The following STAB2 variants were observed in gnomAD, a reference collection of about 807,000 sequenced individuals.
The protein encoded by STAB2 is stabilin-2.
A neutral mutation model predicts 338.1 loss-of-function variants in STAB2; 288 were observed. The observed-to-expected ratio is 0.85, with a 90% CI of 0.77 to 0.94. The LOEUF (loss-of-function observed/expected upper bound fraction) is 0.94, where lower values mean the gene tolerates loss of function less well. Ranked by LOEUF, STAB2 falls within the 40% of genes least tolerant of loss-of-function variation. STAB2 has a pLI of 0.00. For missense variants in STAB2, 3,141 were observed against 3,210.1 expected (o/e 0.98, Z 0.52); for synonymous variants, 1,202 against 1,193.3 (o/e 1.01, Z -0.15).
intron 63 of STAB2, among the ~76,000 whole-genome samples, chr12:103,757,029 A>ATAAAATATATATAT (rs1884176517): frequency 4.9e-5 from 7 of 144,178 alleles, no homozygotes; most frequent in Admixed American, 2.8e-4. Flanking sequence ...ATATATATAT[A>ATAAAATATATATAT]TAAAATATAT....
chr12:103,687,148 AT>A (rs1877504761), intron 27 of STAB2, among the ~76,000 whole-genome samples: 1 of 152,162 alleles, frequency 6.6e-6, no homozygotes. Flanking sequence ...TTTAAAAAAT[AT>A]TTTCACATAT....
intron 42 of STAB2, among the ~76,000 whole-genome samples, chr12:103,714,577 C>T (rs1880149972): frequency 6.6e-6 from 1 of 151,884 alleles, no homozygotes; most frequent in African/African-American, 2.4e-5. Flanking sequence ...CACACAGCTA[C>T]TTGGGAGGCT....
At chr12:103,683,002 A>C (rs1446928814) in intron 25 of STAB2, among the ~76,000 whole-genome samples, 1 of 152,166 alleles carries the variant, frequency 6.6e-6, no homozygotes, top group African/African-American at 2.4e-5. Flanking sequence ...CCAAGAAACT[A>C]TCATATTGGA....
In STAB2 at chr12:103,715,889, G is replaced by A; in HGVS notation, c.4611+1G>A. 1 of 1,613,958 alleles carries A rather than the reference G, an allele frequency of 6.2e-7. No homozygotes were observed. Among genetic ancestry groups the A allele is most frequent in the Non-Finnish European group, 8.5e-7 (1 of 1,179,918 alleles). ...GTGCACACAGACAGGACCCAACCAG[G>A]TGAGTGCCACCTCTCCCAGGCCCTT... On this transcript the variant is annotated splice_donor_variant, in intron 43 of 68. Coordinates refer to ENST00000388887, the MANE Select transcript of STAB2 (RefSeq NM_017564.10). LOFTEE classifies it high-confidence loss of function.
chr12:103,640,229 G>A lies in STAB2; in HGVS notation c.1013G>A (p.Cys338Tyr), dbSNP rs753172320. The A allele has an allele frequency of 1.2e-6, 2 of 1,613,566 alleles. No individual in the cohort carries two copies. The highest frequency in any genetic ancestry group is 3.3e-5 in the Admixed American group (2 of 60,012). Reference sequence around the variant, plus strand: ...AACCCGTGTCATAGGAATGCAAATTGCACCACCGTCGCACCAGGCCGAACT... The same window carrying A: ...AACCCGTGTCATAGGAATGCAAATTACACCACCGTCGCACCAGGCCGAACT... ...SDNPCHRNAN[C>Y]TTVAPGRTEC... Residue 338 changes from cysteine (C) to tyrosine (Y), a missense_variant, in exon 9 of 69, where the codon TGC (cysteine) becomes TAC (tyrosine). Cys to Tyr is a radical substitution (Grantham distance 194). Coordinates refer to ENST00000388887, the MANE Select transcript of STAB2 (RefSeq NM_017564.10).
intron 48 of STAB2, among the ~76,000 whole-genome samples, chr12:103,729,702 T>C (rs553284423): frequency 2.6e-5 from 4 of 152,290 alleles, no homozygotes; most frequent in African/African-American, 9.6e-5. Context: ...CTGGGAAGGT[T>C]TGAAAGCTTT....
chr12:103,757,965 T>C, intron 63 of STAB2: 1 of 684,156 alleles, frequency 1.5e-6, no homozygotes. Flanking sequence ...CGTGGCTGTG[T>C]CTTAAACCAT....
At position 103,749,114 on chromosome 12, in the gene STAB2, C is replaced by G; in HGVS notation, c.6396C>G (p.Asn2132Lys). The stretch of plus-strand genomic sequence containing the variant: ...TAGACCCCTGTGCAGACGGCCTTAA[C>G]GGAGGGTGTCACGAGCACGCCACCT... ...TEIDPCADGL[N>K]GGCHEHATCK... The change falls in exon 59 of 69, where the codon AAC (asparagine) becomes AAG (lysine). Residue 2132 changes from asparagine to lysine, a missense_variant. Coordinates refer to ENST00000388887, the MANE Select transcript of STAB2 (RefSeq NM_017564.10). 1 of 1,611,610 alleles carries G rather than the reference C, an allele frequency of 6.2e-7. No individual in the cohort carries two copies. The highest frequency in any genetic ancestry group is 8.5e-7 in the Non-Finnish European group (1 of 1,178,126).
At position 103,766,295 on chromosome 12, in the gene STAB2, G is replaced by GAAC. The variant is rs1566090319; in HGVS notation, c.7616_7618dup (p.Glu2539_Arg2540insGln). On this transcript the variant is annotated inframe_insertion, in exon 69 of 69. Transcript: ENST00000388887. The stretch of plus-strand genomic sequence containing the variant: ...ACCCTCTCTTTTCCAGGACTCTGAA[G>GAAC]AACGGCAGCTTGAGGGCAATGACCC... The GAAC allele has an allele frequency of 3.1e-6, 5 of 1,614,020 alleles. No homozygotes were observed. In the Admixed American group the frequency reaches 6.7e-5, roughly 22 times the overall value.
At chr12:103,651,460 C>T (rs535206864) in intron 11 of STAB2, among the ~76,000 whole-genome samples, 105 of 150,482 alleles carry the variant, frequency 7.0e-4, no homozygotes, top group African/African-American at 2.5e-3. Context: ...ACTACAGGCA[C>T]ATGCTACCAT....
At chr12:103,684,678 A>C (rs1220193443) in intron 26 of STAB2, among the ~76,000 whole-genome samples, 1 of 152,254 alleles carries the variant, frequency 6.6e-6, no homozygotes, top group Non-Finnish European at 1.5e-5. Context: ...AGTATGCCCC[A>C]AATATTGCAT....
intron 6 of STAB2, among the ~76,000 whole-genome samples, chr12:103,634,019 T>C (rs1215983677): frequency 3.3e-5 from 5 of 152,222 alleles, no homozygotes; most frequent in African/African-American, 1.2e-4. Context: ...AATAAATTTA[T>C]GGAAATGCTA....
intron 56 of STAB2, 91 bp downstream of exon 56, chr12:103,742,645 C>A (rs1882680104): frequency 6.4e-7 from 1 of 1,560,464 alleles, no homozygotes; most frequent in African/African-American, 1.4e-5. Flanking sequence ...CTGGAGGCAT[C>A]CTTTTGTCCT....
At chr12:103,724,750 C>T (rs1593286777) in intron 44 of STAB2, among the ~76,000 whole-genome samples, 1 of 152,122 alleles carries the variant, frequency 6.6e-6, no homozygotes, top group African/African-American at 2.4e-5. Context: ...TGGAGATCTG[C>T]TCAAAGGGAC....
At chr12:103,756,997 ATATAT>A (rs1430161198) in intron 63 of STAB2, among the ~76,000 whole-genome samples, 34 of 130,154 alleles carry the variant, frequency 2.6e-4, no homozygotes, top group East Asian at 1.9e-3. Context: ...AGGAGGGAAA[ATATAT>A]ATATATATAT....
In STAB2 at chr12:103,619,761, C is replaced by G. The variant is rs971517641; in HGVS notation, c.332-707C>G. The stretch of plus-strand genomic sequence containing the variant: ...CCTCATCAGCAACGCCCCCCGCCCC[C>G]GCCACCCCACAACTCTCACACCCAG... On this transcript the variant is annotated intron_variant, in intron 3 of 68. Coordinates refer to ENST00000388887, the MANE Select transcript of STAB2 (RefSeq NM_017564.10). Among the ~76,000 whole-genome samples, 115 of 150,882 alleles carry G rather than the reference C, an allele frequency of 7.6e-4. 1 individual carries two copies. The highest frequency in any genetic ancestry group is 2.8e-3 in the African/African-American group (113 of 41,070).
At position 103,625,795 on chromosome 12, in the gene STAB2, C is replaced by T. The variant is rs556300532; in HGVS notation, c.487+3684C>T. ...TGGGTTGGTTCCGAGTCTTTGCTAT[C>T]GTGAATAGTGCCGCAATAAACATGT... On this transcript the variant is annotated intron_variant, in intron 5 of 68. Transcript: ENST00000388887. Among the ~76,000 whole-genome samples the T allele has an allele frequency of 2.4e-4, 36 of 152,242 alleles. 1 individual carries two copies. The South Asian group carries it at 5.4e-3, about 23-fold the overall frequency.
intron 53 of STAB2, among the ~76,000 whole-genome samples, chr12:103,738,108 A>G (rs1037311344): frequency 4.6e-5 from 7 of 152,120 alleles, no homozygotes; most frequent in Middle Eastern, 3.4e-3. Flanking sequence ...TCAGTCACTC[A>G]CTCATGCATT....
chr12:103,687,806 G>C (rs914662289), intron 27 of STAB2, among the ~76,000 whole-genome samples: 5 of 152,160 alleles, frequency 3.3e-5, no homozygotes, highest in African/African-American at 1.2e-4. Context: ...CTCTGAAAGG[G>C]GGCTATTTGC....
Sources: gnomAD v4.1 joint callset for allele counts (sites outside exome capture counted in the v4.1 genomes callset) on GRCh38, gnomAD v4.1.1 for gene constraint, MANE v1.5 for transcripts, NCBI Gene and HGNC (gene_info 2026-07-23, HGNC 2026-07-21) for gene names.